Variants in ANO4 observed in about 807,000 individuals in gnomAD.
ANO4 encodes the protein anoctamin-4.
In ANO4, 69 loss-of-function variants were observed where a neutral mutation model predicts 141.9. The ratio of observed to expected loss-of-function variants is 0.49; its 90% CI spans 0.40 to 0.59. The LOEUF (loss-of-function observed/expected upper bound fraction) is 0.59. ANO4 is among the 20% of genes least tolerant of loss of function. The pLI is 0.00. For synonymous variants in ANO4, 350 were observed against 394.3 expected (o/e 0.89, Z 1.33); for missense variants, 894 against 1,162.2 (o/e 0.77, Z 3.36).
chr12:100,981,958 T>C (rs11835675), intron 7 of ANO4, among the ~76,000 whole-genome samples: 292 of 152,254 alleles, frequency 1.9e-3, no homozygotes, highest in African/African-American at 6.9e-3. Flanking sequence ...AAGACCAAAC[T>C]TGGGAAGCCA....
At chr12:100,770,781 AT>A (rs10652346) in intron 3 of ANO4, among the ~76,000 whole-genome samples, 2,417 of 131,308 alleles carry the variant, frequency 0.018, 31 homozygotes, top group East Asian at 0.069. Context: ...CTTGGCTTGA[AT>A]TTTTTTTTTT....
At chr12:100,832,111 C>A (rs959955466) in intron 1 of ANO4, among the ~76,000 whole-genome samples, 2 of 152,042 alleles carry the variant, frequency 1.3e-5, no homozygotes, top group African/African-American at 4.8e-5. Context: ...ACACAGCCTC[C>A]AGAATGAAGG....
intron 2 of ANO4, among the ~76,000 whole-genome samples, chr12:100,908,642 G>C (rs1416188178): frequency 2.0e-5 from 3 of 152,122 alleles, no homozygotes; most frequent in Non-Finnish European, 4.4e-5. Context: ...GTTCTCTGTT[G>C]GGAAATTATG....
chr12:100,761,548 C>T (rs1218132653), intron 3 of ANO4, among the ~76,000 whole-genome samples: 4 of 152,296 alleles, frequency 2.6e-5, no homozygotes, highest in Middle Eastern at 3.4e-3. Context: ...TGTGAAGTGT[C>T]TTCCAGTGAA....
intron 7 of ANO4, among the ~76,000 whole-genome samples, chr12:100,976,078 G>C (rs565423257): frequency 1.3e-5 from 2 of 152,012 alleles, no homozygotes; most frequent in Non-Finnish European, 2.9e-5. Context: ...ATTTGATTCT[G>C]TTGTGATCAT....
intron 15 of ANO4, among the ~76,000 whole-genome samples, chr12:101,082,534 G>T (rs189204566): frequency 4.6e-5 from 7 of 152,296 alleles, no homozygotes; most frequent in African/African-American, 1.7e-4. Context: ...GAAGATTCTA[G>T]GTCTGCTATG....
chr12:101,121,153 G>A (rs11110666), intron 26 of ANO4, among the ~76,000 whole-genome samples: 33,084 of 151,986 alleles, frequency 0.22, 3,823 homozygotes, highest in African/African-American at 0.28. Context: ...GAGGTTTGGG[G>A]TGCGACTGAA....
At chr12:100,826,302 T>TAG (rs397750845) in intron 1 of ANO4, among the ~76,000 whole-genome samples, 1 of 151,334 alleles carries the variant, frequency 6.6e-6, no homozygotes, top group African/African-American at 2.4e-5. Flanking sequence ...GAAAAAAAGA[T>TAG]GGAAAATGGT....
At chr12:100,728,202 T>A (rs1258773571) in intron 1 of ANO4, among the ~76,000 whole-genome samples, 1 of 152,140 alleles carries the variant, frequency 6.6e-6, no homozygotes, top group African/African-American at 2.4e-5. Flanking sequence ...GGATGAAAGG[T>A]AAGATAGTTT....
intron 1 of ANO4, among the ~76,000 whole-genome samples, chr12:100,836,457 C>T (rs1193627903): frequency 2.6e-5 from 4 of 151,828 alleles, no homozygotes; most frequent in Admixed American, 1.3e-4. Flanking sequence ...TCGTCATTTA[C>T]ATTAGGTATA....
In ANO4 at chr12:101,116,687, TTGGCTA is replaced by T. The variant is rs770835017; in HGVS notation, c.2462_2467del (p.Gly821_Tyr822del). On this transcript the variant is annotated inframe_deletion, in exon 25 of 28. Transcript: ENST00000392977. The stretch of plus-strand genomic sequence containing the variant: ...TGTGCCTCCTCTTATAGGTGCATGG[TTGGCTA>T]TGTGAATGCCAGCTTGTCTGTATTT... 1 of 1,614,176 alleles carries T rather than the reference TTGGCTA, an allele frequency of 6.2e-7. No homozygotes were observed. The highest frequency in any genetic ancestry group is 8.5e-7 in the Non-Finnish European group (1 of 1,180,010).
chr12:101,089,722 G>A (rs989235245), intron 17 of ANO4, among the ~76,000 whole-genome samples: 2 of 152,168 alleles, frequency 1.3e-5, no homozygotes, highest in Non-Finnish European at 2.9e-5. Context: ...AAAAGCAATG[G>A]CAACAAAAGC....
chr12:100,926,626 G>GTGTT (rs554896699), intron 3 of ANO4, among the ~76,000 whole-genome samples: 2 of 151,934 alleles, frequency 1.3e-5, no homozygotes, highest in African/African-American at 4.8e-5. Flanking sequence ...GTGTGTGTGT[G>GTGTT]TGTTTGTTTC....
At chr12:100,823,148 G>A (rs2036146052) in intron 1 of ANO4, among the ~76,000 whole-genome samples, 1 of 151,940 alleles carries the variant, frequency 6.6e-6, no homozygotes, top group African/African-American at 2.4e-5. Flanking sequence ...TTCTCCCTGT[G>A]TTATGTAAAT....
chr12:100,947,919 C>T lies in ANO4; in HGVS notation c.456+5384C>T, dbSNP rs1398501357. ...TTAGGAGAGGCAGGGCATGGTGGCT[C>T]ATGCCTATAATCCCAGCACTTTGGG... On this transcript the variant is annotated intron_variant, in intron 5 of 27. Coordinates refer to ENST00000392977, the MANE Select transcript of ANO4 (RefSeq NM_001286615.2). Among the ~76,000 whole-genome samples the T allele has an allele frequency of 3.9e-5, 6 of 152,216 alleles. No individual in the cohort carries two copies. The East Asian group carries it at 9.7e-4, about 25-fold the overall frequency.
At chr12:100,963,755 C>T (rs1566063457) in intron 5 of ANO4, among the ~76,000 whole-genome samples, 1 of 152,078 alleles carries the variant, frequency 6.6e-6, no homozygotes, top group Non-Finnish European at 1.5e-5. Context: ...TAAAGGAGCC[C>T]TTTAACCCTC....
intron 1 of ANO4, among the ~76,000 whole-genome samples, chr12:100,860,078 C>A (rs2038391908): frequency 6.6e-6 from 1 of 152,080 alleles, no homozygotes. Context: ...AATGTGGACC[C>A]TCAAGTTGTA....
At chr12:101,036,539 A>G (rs1431161514) in intron 9 of ANO4, among the ~76,000 whole-genome samples, 2 of 152,222 alleles carry the variant, frequency 1.3e-5, no homozygotes. Flanking sequence ...AAATCCTGCC[A>G]TTTGCAACAT....
intron 1 of ANO4, among the ~76,000 whole-genome samples, chr12:100,856,037 A>G (rs980213613): frequency 2.6e-5 from 4 of 152,170 alleles, no homozygotes; most frequent in Non-Finnish European, 5.9e-5. Context: ...GGGAGGCTGG[A>G]TAATATTCCA....
Sources: allele counts gnomAD v4.1 joint callset (sites outside exome capture counted in the v4.1 genomes callset), GRCh38; gene constraint gnomAD v4.1.1; transcripts MANE v1.5; gene names NCBI Gene and HGNC (gene_info 2026-07-23, HGNC 2026-07-21).